ADAMTS6: variants seen among roughly 807,000 people sequenced by gnomAD.
The protein encoded by ADAMTS6 is ADAM metallopeptidase with thrombospondin type 1 motif 6.
A neutral mutation model predicts 144.3 loss-of-function variants in ADAMTS6; 23 were observed. That is an observed-to-expected ratio of 0.16 (90% CI 0.11 to 0.23). The LOEUF (loss-of-function observed/expected upper bound fraction) is 0.23, where lower values mean the gene tolerates loss of function less well. ADAMTS6 is among the 10% of genes least tolerant of loss of function. The pLI, the probability that ADAMTS6 is intolerant of heterozygous loss-of-function variation, is 1.00. For synonymous variants in ADAMTS6, 444 were observed against 457.5 expected (o/e 0.97, Z 0.38); for missense variants, 999 against 1,379.6 (o/e 0.72, Z 4.37).
At chr5:65,281,541 G>A (rs1490738622) in intron 11 of ADAMTS6, among the ~76,000 whole-genome samples, 7 of 152,028 alleles carry the variant, frequency 4.6e-5, no homozygotes, top group African/African-American at 1.4e-4. Flanking sequence ...AAAAGATACT[G>A]TTAACATATT....
intron 7 of ADAMTS6, among the ~76,000 whole-genome samples, chr5:65,344,542 T>C (rs994696070): frequency 8.6e-5 from 13 of 151,914 alleles, no homozygotes; most frequent in Non-Finnish European, 1.2e-4. Flanking sequence ...AAAAGTGTAA[T>C]TGAAGAATTC....
chr5:65,211,510 A>C (rs1756531432), intron 20 of ADAMTS6, among the ~76,000 whole-genome samples: 1 of 151,898 alleles, frequency 6.6e-6, no homozygotes, highest in Non-Finnish European at 1.5e-5. Context: ...GCTGAGGTGG[A>C]ATAGTCACTT....
chr5:65,450,632 T>A (rs1758663254), intron 7 of ADAMTS6, among the ~76,000 whole-genome samples: 1 of 152,174 alleles, frequency 6.6e-6, no homozygotes, highest in Non-Finnish European at 1.5e-5. Context: ...TTAAAATAAT[T>A]TAAGTATAAT....
chr5:65,305,995 G>T (rs1295862141), intron 9 of ADAMTS6, among the ~76,000 whole-genome samples: 3 of 152,176 alleles, frequency 2.0e-5, no homozygotes, highest in African/African-American at 7.2e-5. Context: ...ACAACGAACA[G>T]GTTAACTTAT....
At chr5:65,392,714 AT>A (rs1374120934) in intron 7 of ADAMTS6, among the ~76,000 whole-genome samples, 1 of 152,126 alleles carries the variant, frequency 6.6e-6, no homozygotes, top group Non-Finnish European at 1.5e-5. Flanking sequence ...AAATATTAGA[AT>A]TTAAAGGTCA....
Position 65,470,989 on chromosome 5 carries a change from T to G in ADAMTS6, c.251A>C (p.Lys84Thr). The change falls in exon 3 of 25, where the codon AAG (lysine) becomes ACG (threonine). Residue 84 changes from lysine (K) to threonine (T), a missense_variant. By Grantham distance (78) the Lys-to-Thr change is moderately conservative (BLOSUM62 -1). This residue lies in a region of ADAMTS6 where 252 missense variants were observed against 293.7 expected (regional missense o/e 0.86). Coordinates refer to ENST00000381055, the MANE Select transcript of ADAMTS6 (RefSeq NM_197941.4). ...DPIDPQQAVS[K>T]LFFKLSAYGK... ...ATAGGCTGAAAGTTTAAAAAATAAC[T>G]TAGATACTGCCTGCTGTGGATCAAT... 6.2e-7 allele frequency: 1 copy of G among 1,613,084 alleles called. No individual in the cohort carries two copies. The highest frequency in any genetic ancestry group is 8.5e-7 in the Non-Finnish European group (1 of 1,179,632).
intron 7 of ADAMTS6, among the ~76,000 whole-genome samples, chr5:65,384,513 T>C (rs1752323240): frequency 6.6e-6 from 1 of 152,214 alleles, no homozygotes; most frequent in Non-Finnish European, 1.5e-5. Flanking sequence ...ATCTTTCCTC[T>C]AGTTTCCAAT....
chr5:65,160,309 CT>C (rs796848986), intron 24 of ADAMTS6, among the ~76,000 whole-genome samples: 747 of 139,312 alleles, frequency 5.4e-3, no homozygotes, highest in Middle Eastern at 0.011. Flanking sequence ...CTCCGACTTT[CT>C]TTTTTTTTTT....
intron 3 of ADAMTS6, among the ~76,000 whole-genome samples, chr5:65,464,530 T>C (rs1759857759): frequency 6.6e-6 from 1 of 152,224 alleles, no homozygotes; most frequent in Admixed American, 6.5e-5. Context: ...GAGAGAAATG[T>C]TAAATTTCCA....
intron 14 of ADAMTS6, among the ~76,000 whole-genome samples, chr5:65,247,812 C>T (rs1759763288): frequency 6.6e-6 from 1 of 152,154 alleles, no homozygotes; most frequent in Admixed American, 6.6e-5. Flanking sequence ...GCACCTTCTG[C>T]TTCTTCCTTT....
At chr5:65,155,090 T>C (rs1561227979) in intron 24 of ADAMTS6, among the ~76,000 whole-genome samples, 1 of 152,206 alleles carries the variant, frequency 6.6e-6, no homozygotes, top group Non-Finnish European at 1.5e-5. Context: ...ATTACATCTT[T>C]AGATTTGATG....
At chr5:65,415,675 G>A in intron 7 of ADAMTS6, 1 of 252,838 alleles carries the variant, frequency 4.0e-6, no homozygotes, top group South Asian at 4.2e-5. Flanking sequence ...GATTATGTCA[G>A]TGCAGAAGCA....
intron 7 of ADAMTS6, among the ~76,000 whole-genome samples, chr5:65,414,788 C>T (rs547193300): frequency 6.7e-4 from 102 of 152,270 alleles, no homozygotes; most frequent in African/African-American, 2.4e-3. Context: ...AGAAGGACAA[C>T]AAGCACTCTT....
At chr5:65,251,151 C>G (rs1167816493) in intron 14 of ADAMTS6, 1 of 152,196 alleles carries the variant, frequency 6.6e-6, no homozygotes, top group Non-Finnish European at 1.5e-5. Context: ...TTGAGCAGCT[C>G]CTAAGCAAAC....
In ADAMTS6 at chr5:65,151,596, T is replaced by G. The variant is rs928120735; in HGVS notation, c.*240A>C. 6.8e-6 allele frequency: 3 copies of G among 442,144 alleles called. No individual in the cohort carries two copies. The highest frequency in any genetic ancestry group is 1.2e-5 in the Non-Finnish European group (3 of 246,180). 27.4% of individuals were successfully genotyped at this position (442,144 alleles called of 1,614,324 possible). ...AGTAAGCAAGTCTCCCTGTGTTGTT[T>G]GGATCTCTCCAATCTGGCATTCCCT... On this transcript the variant is annotated 3_prime_UTR_variant, in exon 25 of 25. Transcript: ENST00000381055.
At chr5:65,466,153 G>A (rs1406101562) in intron 3 of ADAMTS6, among the ~76,000 whole-genome samples, 1 of 152,058 alleles carries the variant, frequency 6.6e-6, no homozygotes, top group East Asian at 1.9e-4. Flanking sequence ...GCTAGATTAT[G>A]TTAGTTGCTC....
At chr5:65,425,035 C>T (rs775354639) in intron 7 of ADAMTS6, among the ~76,000 whole-genome samples, 10 of 151,880 alleles carry the variant, frequency 6.6e-5, no homozygotes, top group South Asian at 2.1e-4. Context: ...TTGCTCTGGT[C>T]GCCCAGGCTG....
chr5:65,164,453 G>T (rs1396024955), intron 24 of ADAMTS6, among the ~76,000 whole-genome samples: 1 of 146,006 alleles, frequency 6.8e-6, no homozygotes, highest in East Asian at 2.0e-4. Flanking sequence ...GAGGCTGGGG[G>T]AGGGGCGCCC....
intron 7 of ADAMTS6, among the ~76,000 whole-genome samples, chr5:65,400,583 G>A (rs537752343): frequency 6.6e-6 from 1 of 152,202 alleles, no homozygotes; most frequent in Admixed American, 6.5e-5. Flanking sequence ...GTTTTCTATG[G>A]TTTGGTGTCT....
Sources: allele counts gnomAD v4.1 joint callset (sites outside exome capture counted in the v4.1 genomes callset), GRCh38; gene constraint gnomAD v4.1.1; regional missense constraint gnomAD v4.1.1; transcripts MANE v1.5; gene names NCBI Gene and HGNC (gene_info 2026-07-23, HGNC 2026-07-21).